PLXNB3: variants seen among roughly 807,000 people sequenced by gnomAD.
The protein encoded by PLXNB3 is plexin-B3.
Under a neutral mutation model 125.7 loss-of-function variants are expected in PLXNB3, and 80 were observed. The ratio of observed to expected loss-of-function variants is 0.64; its 90% CI spans 0.53 to 0.77. PLXNB3 has a LOEUF of 0.77. Ranked by LOEUF, PLXNB3 falls within the 30% of genes least tolerant of loss-of-function variation. The pLI, the probability that PLXNB3 is intolerant of heterozygous loss-of-function variation, is 0.00. For missense variants in PLXNB3, 1,836 were observed against 1,729.3 expected (o/e 1.06, Z -1.09); for synonymous variants, 954 against 783.3 (o/e 1.22, Z -3.64).
In PLXNB3 at chrX:153,777,193, C is replaced by A; in HGVS notation, c.4928-15C>A. The A allele has an allele frequency of 8.8e-7, 1 of 1,132,180 alleles. No individual in the cohort carries two copies. The highest frequency in any genetic ancestry group is 1.2e-6 in the Non-Finnish European group (1 of 851,717). 93.3% of individuals were successfully genotyped at this position (1,132,180 alleles called of 1,213,427 possible). ...CAGGGGGTATAGCCCTGAAGCCAGG[C>A]TCCTGTGCCCTCAGACATACCCACG... On this transcript the variant is annotated splice_polypyrimidine_tract_variant and intron_variant, in intron 29 of 35. Coordinates refer to ENST00000361971, the MANE Select transcript of PLXNB3 (RefSeq NM_005393.3).
At chrX:153,765,716 C>T (rs1216973838) in intron 2 of PLXNB3, 136 bp downstream of exon 2, 23 of 1,137,045 alleles carry the variant, frequency 2.0e-5, no homozygotes, top group Non-Finnish European at 2.6e-5. Flanking sequence ...GCCCGGGGTC[C>T]GCAGGAAGTG....
intron 10 of PLXNB3, 32 bp downstream of exon 10, chrX:153,770,674 G>T (rs782557889): frequency 1.7e-6 from 2 of 1,207,280 alleles, no homozygotes; most frequent in East Asian, 5.9e-5. Context: ...GCAGAGACAG[G>T]GCTGTCCCTT....
Position 153,777,319 on chromosome X carries a change from G to A in PLXNB3, c.5039G>A (p.Arg1680His), listed in dbSNP as rs782063016. The change falls in exon 30 of 36, where the codon CGC (arginine) becomes CAC (histidine). Residue 1680 changes from arginine (R) to histidine (H), a missense_variant. By Grantham distance (29) the Arg-to-His change is conservative. Coordinates refer to ENST00000361971, the MANE Select transcript of PLXNB3 (RefSeq NM_005393.3). Reference sequence around the variant, plus strand: ...GTGCGGTGCAGCAGCCTGCGGGAGCGCGAGCCAGCAAGGGCCAAGGCCATT... The same window carrying A: ...GTGCGGTGCAGCAGCCTGCGGGAGCACGAGCCAGCAAGGGCCAAGGCCATT... ...AKVRCSSLREREPARAKAIPE... is the reference protein window; with the variant it reads ...AKVRCSSLREHEPARAKAIPE... 9.1e-6 allele frequency: 11 copies of A among 1,206,846 alleles called. No individual in the cohort carries two copies. Among genetic ancestry groups the A allele is most frequent in the South Asian group, 5.3e-5 (3 of 56,638 alleles).
At chrX:153,770,483 C>T (rs2091915273) in intron 9 of PLXNB3, 37 bp downstream of exon 9, 1 of 1,199,627 alleles carries the variant, frequency 8.3e-7, no homozygotes, top group Non-Finnish European at 1.1e-6. Flanking sequence ...GTAGGGGTGG[C>T]GACCCCAGAG....
rs1159833717 is a variant in PLXNB3, at chrX:153,771,364, G to A, written c.2308G>A (p.Gly770Ser). 4.1e-6 allele frequency: 5 copies of A among 1,210,794 alleles called. No individual in the cohort carries two copies. The highest frequency in any genetic ancestry group is 5.6e-6 in the Non-Finnish European group (5 of 894,826). The change falls in exon 13 of 36, where the codon GGT becomes AGT. Residue 770 changes from glycine to serine, a missense_variant. Transcript: ENST00000361971. ...ELPVPIYVTQ[G>S]EAQRLDNTHA... Reference sequence around the variant, plus strand: ...CCCAGTGCCCATCTACGTCACCCAGGGTGAAGCCCAGAGGCTGGACAACAC... The same window carrying A: ...CCCAGTGCCCATCTACGTCACCCAGAGTGAAGCCCAGAGGCTGGACAACAC...
rs782708809 is a variant in PLXNB3, at chrX:153,774,269, G to A, written c.3603G>A (p.Thr1201=). ...GCGAGTGCCTGGTGAAGACGCTCACGCGCACCCACCTGTACTGCGAGCCGC... is the reference window on the plus strand; with the variant it reads ...GCGAGTGCCTGGTGAAGACGCTCACACGCACCCACCTGTACTGCGAGCCGC... The part of the protein sequence containing the change: ...GRGECLVKTL[T]RTHLYCEPPA... Residue 1201 remains threonine (T), a synonymous_variant, in exon 21 of 36, where the codon ACG becomes ACA. Transcript: ENST00000361971. 6.8e-5 allele frequency: 80 copies of A among 1,179,324 alleles called. No individual in the cohort carries two copies. The highest frequency in any genetic ancestry group is 2.6e-4 in the Admixed American group (11 of 42,614).
At position 153,766,260 on chromosome X, in the gene PLXNB3, G is replaced by A. The variant is rs904791368; in HGVS notation, c.46-613G>A. Reference sequence around the variant, plus strand: ...CTGACTTGCTCCTTGCTCAGCCCGCGGCTGCCTGGCTCTTTCCCCCAGCTG... The same window carrying A: ...CTGACTTGCTCCTTGCTCAGCCCGCAGCTGCCTGGCTCTTTCCCCCAGCTG... On this transcript the variant is annotated intron_variant, in intron 2 of 35. Transcript: ENST00000361971. 1.5e-5 allele frequency: 17 copies of A among 1,165,216 alleles called. No individual in the cohort carries two copies. Among genetic ancestry groups the A allele is most frequent in the African/African-American group, 3.6e-5 (2 of 56,081 alleles).
In PLXNB3 at chrX:153,773,903, C is replaced by T. The variant is rs1326790878; in HGVS notation, c.3324C>T (p.Cys1108=). The T allele has an allele frequency of 4.1e-6, 5 of 1,211,157 alleles. No individual in the cohort carries two copies. The East Asian group carries it at 8.9e-5, about 21-fold the overall frequency. Residue 1108 remains cysteine, a synonymous_variant, in exon 20 of 36, where the codon TGC becomes TGT. Coordinates refer to ENST00000361971, the MANE Select transcript of PLXNB3 (RefSeq NM_005393.3). ...TCAACTCGTCCAGCCTCCTCCTGTG[C>T]CGGAGCCCTGCTGTACCAGACAGAG... is the stretch of plus-strand genomic sequence containing the variant. The part of the protein sequence containing the change: ...CSVNSSSLLL[C]RSPAVPDRAH...
chrX:153,779,169 C>T lies in PLXNB3; in HGVS notation c.*130C>T. On this transcript the variant is annotated 3_prime_UTR_variant, in exon 36 of 36. Coordinates refer to ENST00000361971, the MANE Select transcript of PLXNB3 (RefSeq NM_005393.3). ...AGGGTGCAAAGCCAGGCACTGTGCC[C>T]AGCAGTGGGCTCCCTGCCTGCCACC... is the stretch of plus-strand genomic sequence containing the variant. 2.6e-6 allele frequency: 1 copy of T among 387,027 alleles called. No homozygotes were observed. The allele number at this position is 387,027 out of a possible 1,213,427, so 31.9% of individuals were successfully genotyped here.
At chrX:153,768,122 C>T (rs782725982) in intron 3 of PLXNB3, 127 bp from the exon 4 acceptor site, 23 of 846,323 alleles carry the variant, frequency 2.7e-5, no homozygotes, top group Non-Finnish European at 3.5e-5. Flanking sequence ...GGCCCTTCGG[C>T]CCTGATTGCT....
At position 153,768,257 on chromosome X, in the gene PLXNB3, C is replaced by T. The variant is rs367873902; in HGVS notation, c.1095C>T (p.Pro365=). The change falls in exon 4 of 36, where the codon CCC becomes CCT. Residue 365 remains proline, a synonymous_variant. Transcript: ENST00000361971. ...CACTTCCTGCCACGTAGGATTCCCC[C>T]GAGTCGTACCCCTGTGGCGACGAGC... The part of the protein sequence containing the change: ...SRCVTLPLDS[P]ESYPCGDEHT... The T allele has an allele frequency of 1.2e-4, 146 of 1,185,687 alleles. No homozygotes were observed. Among genetic ancestry groups the T allele is most frequent in the Admixed American group, 6.0e-4 (27 of 44,827 alleles).
At chrX:153,777,504 C>G in intron 30 of PLXNB3, 24 bp from the exon 31 acceptor site, 1 of 1,206,866 alleles carries the variant, frequency 8.3e-7, no homozygotes, top group Non-Finnish European at 1.1e-6. Flanking sequence ...GCCCTCCACA[C>G]AGCCCTTATC....
At chrX:153,765,849 G>C in intron 2 of PLXNB3, 2 of 754,570 alleles carry the variant, frequency 2.7e-6, no homozygotes, top group Non-Finnish European at 3.1e-6. Flanking sequence ...ACCCAGGGCA[G>C]CATCTCTCTG....
chrX:153,772,223 G>C lies in PLXNB3; in HGVS notation c.2711G>C (p.Gly904Ala). The C allele has an allele frequency of 8.3e-7, 1 of 1,205,277 alleles. No individual in the cohort carries two copies. Among genetic ancestry groups the C allele is most frequent in the Non-Finnish European group, 1.1e-6 (1 of 893,867 alleles). The change falls in exon 16 of 36, where the codon GGG becomes GCG. Residue 904 changes from glycine (G) to alanine (A), a missense_variant. Gly to Ala is a moderately conservative substitution (Grantham distance 60, BLOSUM62 0). Coordinates refer to ENST00000361971, the MANE Select transcript of PLXNB3 (RefSeq NM_005393.3). Reference sequence around the variant, plus strand: ...TCTCCTGCCCCCAATGGCACCACTGGGCCCGTCCGGGTGGCCATTAAGAGC... The same window carrying C: ...TCTCCTGCCCCCAATGGCACCACTGCGCCCGTCCGGGTGGCCATTAAGAGC... Reference protein sequence around the residue: ...VTSPAPNGTTGPVRVAIKSQP... With the variant: ...VTSPAPNGTTAPVRVAIKSQP...
Position 153,772,287 on chromosome X carries a change from G to C in PLXNB3, c.2775G>C (p.Gln925His). Residue 925 changes from glutamine to histidine, a missense_variant and splice_region_variant, in exon 16 of 36, where the codon CAG (glutamine) becomes CAC (histidine). Gln to His is a conservative substitution (Grantham distance 24). Coordinates refer to ENST00000361971, the MANE Select transcript of PLXNB3 (RefSeq NM_005393.3). Reference protein sequence around the residue: ...PGISSQHFTYQDPVLLSLSPR... With the variant: ...PGISSQHFTYHDPVLLSLSPR... Reference sequence around the variant, plus strand: ...TCTCAAGCCAGCACTTCACCTACCAGGTCAGTGGCCTCCCAGGTGTGCCCT... The same window carrying C: ...TCTCAAGCCAGCACTTCACCTACCACGTCAGTGGCCTCCCAGGTGTGCCCT... The C allele has an allele frequency of 1.7e-6, 2 of 1,182,210 alleles. No individual in the cohort carries two copies. Among genetic ancestry groups the C allele is most frequent in the Non-Finnish European group, 2.3e-6 (2 of 870,964 alleles).
Position 153,769,222 on chromosome X carries a change from G to A in PLXNB3, c.1456G>A (p.Ala486Thr). The stretch of plus-strand genomic sequence containing the variant: ...CCCTGACTGTGCCAGCTGCCTCCAG[G>A]CCCAGGACCCGCTGTGTGGCTGGTG... ...QFPDCASCLQ[A>T]QDPLCGWCVL... Residue 486 changes from alanine (A) to threonine (T), a missense_variant, in exon 6 of 36, where the codon GCC becomes ACC. By Grantham distance (58) the Ala-to-Thr change is moderately conservative (BLOSUM62 0). Coordinates refer to ENST00000361971, the MANE Select transcript of PLXNB3 (RefSeq NM_005393.3). The A allele has an allele frequency of 8.5e-7, 1 of 1,177,235 alleles. No individual in the cohort carries two copies. Among genetic ancestry groups the A allele is most frequent in the Non-Finnish European group, 1.1e-6 (1 of 878,012 alleles).
At chrX:153,772,719 G>A in intron 16 of PLXNB3, 167 bp from the exon 17 acceptor site, 1 of 1,031,626 alleles carries the variant, frequency 9.7e-7, no homozygotes, top group Non-Finnish European at 1.2e-6. Context: ...GAGGAAGCTG[G>A]CCAGTGTGCA....
chrX:153,771,700 C>A, intron 14 of PLXNB3, 45 bp downstream of exon 14: 1 of 1,131,286 alleles, frequency 8.8e-7, no homozygotes, highest in Non-Finnish European at 1.2e-6. Context: ...CCCACTTCTC[C>A]TGCCCCGCAC....
chrX:153,769,641 G>C (rs1381892763), intron 6 of PLXNB3, among the ~76,000 whole-genome samples, 166 bp from the exon 7 acceptor site: 1 of 112,974 alleles, frequency 8.9e-6, no homozygotes, highest in Non-Finnish European at 1.9e-5. Flanking sequence ...TTGGCCATGA[G>C]GCCCTGCCTG....
Sources: gnomAD v4.1 joint callset for allele counts (sites outside exome capture counted in the v4.1 genomes callset) on GRCh38, gnomAD v4.1.1 for gene constraint, MANE v1.5 for transcripts, NCBI Gene and HGNC (gene_info 2026-07-23, HGNC 2026-07-21) for gene names.